ATP2B2: variants seen among roughly 807,000 people sequenced by gnomAD.
ATP2B2 encodes ATPase plasma membrane Ca2+ transporting 2, also known as plasma membrane calcium-transporting ATPase 2.
In ATP2B2, 15 loss-of-function variants were observed where a neutral mutation model predicts 120.0. The observed-to-expected ratio is 0.12, with a 90% confidence interval of 0.08 to 0.19. The LOEUF (loss-of-function observed/expected upper bound fraction) is 0.19, where lower values mean the gene tolerates loss of function less well. Among genes scored for constraint, ATP2B2 ranks in the 10% least tolerant of loss-of-function variants. ATP2B2 has a pLI of 1.00. For synonymous variants in ATP2B2, 694 were observed against 700.3 expected, an observed-to-expected ratio of 0.99 and a Z score of 0.14; for missense variants, 1,045 against 1,719.8, an observed-to-expected ratio of 0.61 and a Z score of 6.94.
intron 2 of ATP2B2, among the ~76,000 whole-genome samples, chr3:10,552,634 T>C (rs528576860): frequency 6.6e-6 from 1 of 152,344 alleles, no homozygotes; most frequent in African/African-American, 2.4e-5. Context: ...GATGACTTGT[T>C]CTTATCTCCT....
intron 1 of ATP2B2, among the ~76,000 whole-genome samples, chr3:10,466,493 A>G (rs1194445702): frequency 6.6e-6 from 1 of 152,194 alleles, no homozygotes; most frequent in Non-Finnish European, 1.5e-5. Context: ...TAGGCCGAAC[A>G]GTTTTACTAC....
intron 1 of ATP2B2, among the ~76,000 whole-genome samples, chr3:10,705,655 C>G (rs1161395805): frequency 2.0e-5 from 3 of 152,240 alleles, no homozygotes; most frequent in African/African-American, 7.2e-5. Context: ...TACTAACCAG[C>G]TGCATGTAGA....
At chr3:10,335,536 C>G (rs898097999) in intron 22 of ATP2B2, among the ~76,000 whole-genome samples, 6 of 152,180 alleles carry the variant, frequency 3.9e-5, no homozygotes, top group Non-Finnish European at 5.9e-5. Flanking sequence ...CCCCCTTGAC[C>G]ATGACCCTCA....
Position 10,325,105 on chromosome 3 carries a change from T to G in ATP2B2, c.*3709A>C, listed in dbSNP as rs1559508998. 1 of 152,176 alleles carries G rather than the reference T, an allele frequency of 6.6e-6. No individual in the cohort carries two copies. The highest frequency in any genetic ancestry group is 1.5e-5 in the Non-Finnish European group (1 of 68,038). 9.4% of individuals were successfully genotyped at this position (152,176 alleles called of 1,614,324 possible). ...TCTCTCAAGATCAGGATGCCCTTTT[T>G]GTCCCTCTTTACAGAACATAGTCTA... On this transcript the variant is annotated 3_prime_UTR_variant, in exon 23 of 23. Transcript: ENST00000360273.
At chr3:10,349,980 T>TGCC in intron 16 of ATP2B2, 132 bp downstream of exon 16, 1 of 878,450 alleles carries the variant, frequency 1.1e-6, no homozygotes, top group Non-Finnish European at 1.8e-6. Context: ...CATAAGGCTG[T>TGCC]GCCCAGGTGT....
At chr3:10,405,300 C>T (rs1167496866) in intron 3 of ATP2B2, among the ~76,000 whole-genome samples, 1 of 152,188 alleles carries the variant, frequency 6.6e-6, no homozygotes, top group Non-Finnish European at 1.5e-5. Flanking sequence ...GCCCTACCTG[C>T]TGCCCTTGCT....
At chr3:10,625,693 T>C (rs2069677891) in intron 1 of ATP2B2, among the ~76,000 whole-genome samples, 1 of 152,124 alleles carries the variant, frequency 6.6e-6, no homozygotes, top group African/African-American at 2.4e-5. Flanking sequence ...CCCTCTGTGG[T>C]GGGAGTGGTG....
chr3:10,689,177 C>A (rs1261309708), intron 1 of ATP2B2, among the ~76,000 whole-genome samples: 2 of 152,172 alleles, frequency 1.3e-5, no homozygotes, highest in African/African-American at 4.8e-5. Context: ...TGGTGCAGAT[C>A]TCCATATATT....
intron 2 of ATP2B2, among the ~76,000 whole-genome samples, chr3:10,540,497 A>T (rs996624584): frequency 2.6e-5 from 4 of 152,202 alleles, no homozygotes; most frequent in Non-Finnish European, 4.4e-5. Flanking sequence ...AGACTGGATT[A>T]AGAAAATGTG....
rs550044536 is a variant in ATP2B2 at position 10,490,266 on chromosome 3, A to G, written c.-320+15199T>C. ...GGTCAAACCAGCTGGCTCAGTGCCC[A>G]TGGACAGGTCACTGTGTATCAATGA... On this transcript the variant is annotated intron_variant, in intron 1 of 22. Coordinates refer to ENST00000360273, the MANE Select transcript of ATP2B2 (RefSeq NM_001001331.4). Among the ~76,000 whole-genome samples, 5 of 152,378 alleles carry G rather than the reference A, an allele frequency of 3.3e-5. No homozygotes were observed. In the South Asian group the frequency reaches 8.3e-4, roughly 25 times the overall value.
chr3:10,490,443 G>A (rs556392787), intron 1 of ATP2B2, among the ~76,000 whole-genome samples: 9 of 136,634 alleles, frequency 6.6e-5, no homozygotes, highest in Non-Finnish European at 1.2e-4. Flanking sequence ...TCTCTCTGTC[G>A]CACAGGCTGG....
At chr3:10,684,362 C>T (rs1053414067) in intron 1 of ATP2B2, among the ~76,000 whole-genome samples, 1 of 152,178 alleles carries the variant, frequency 6.6e-6, no homozygotes, top group Non-Finnish European at 1.5e-5. Flanking sequence ...GAAAACTGAG[C>T]CCTAGTAATA....
chr3:10,671,905 A>G (rs546960173), intron 1 of ATP2B2, among the ~76,000 whole-genome samples: 20 of 152,356 alleles, frequency 1.3e-4, no homozygotes, highest in African/African-American at 4.1e-4. Context: ...CCATGATGCC[A>G]TATTTCCATG....
At chr3:10,442,125 G>C (rs1335385931) in intron 2 of ATP2B2, among the ~76,000 whole-genome samples, 1 of 152,160 alleles carries the variant, frequency 6.6e-6, no homozygotes, top group African/African-American at 2.4e-5. Flanking sequence ...CTGGCTCTTA[G>C]TTCGCTCACA....
intron 1 of ATP2B2, among the ~76,000 whole-genome samples, chr3:10,637,210 A>G (rs1167558386): frequency 1.3e-5 from 2 of 152,218 alleles, no homozygotes; most frequent in African/African-American, 2.4e-5. Context: ...GCTCAAGAAT[A>G]TCGATAAGAT....
chr3:10,395,123 A>C (rs201657611), intron 5 of ATP2B2, among the ~76,000 whole-genome samples: 1 of 152,218 alleles, frequency 6.6e-6, no homozygotes, highest in East Asian at 1.9e-4. Flanking sequence ...GAAATGTTGC[A>C]AGATGAGGAG....
chr3:10,444,247 C>T (rs746679830), intron 2 of ATP2B2, among the ~76,000 whole-genome samples: 1 of 152,206 alleles, frequency 6.6e-6, no homozygotes, highest in Non-Finnish European at 1.5e-5. Flanking sequence ...AGGCTTCCGC[C>T]GAGTCTGTGG....
At chr3:10,465,125 C>T (rs1441179843) in intron 1 of ATP2B2, among the ~76,000 whole-genome samples, 1 of 152,246 alleles carries the variant, frequency 6.6e-6, no homozygotes, top group Non-Finnish European at 1.5e-5. Flanking sequence ...CAAGCCTCCT[C>T]TCCCCTGAGC....
chr3:10,492,768 A>G (rs1479324833), intron 1 of ATP2B2, among the ~76,000 whole-genome samples: 2 of 152,074 alleles, frequency 1.3e-5, no homozygotes, highest in African/African-American at 4.8e-5. Flanking sequence ...CTCCACTGTC[A>G]TTTCTCTCCT....
Sources: gnomAD v4.1 joint callset for allele counts (sites outside exome capture counted in the v4.1 genomes callset) on GRCh38, gnomAD v4.1.1 for gene constraint, MANE v1.5 for transcripts, NCBI Gene and HGNC (gene_info 2026-07-23, HGNC 2026-07-21) for gene names.